Variants in ZNF254 observed in about 807,000 individuals in gnomAD.
ZNF254 encodes the protein zinc finger protein 254.
Under a neutral mutation model 12.4 loss-of-function variants are expected in ZNF254, and 10 were observed. The observed-to-expected ratio is 0.80, with a 90% CI of 0.50 to 1.36. The LOEUF (loss-of-function observed/expected upper bound fraction) is 1.36, where lower values mean the gene tolerates loss of function less well. Among genes scored for constraint, ZNF254 ranks in the 40% most tolerant of loss-of-function variants. The probability of loss-of-function intolerance (pLI) is 0.00; values close to 1 mark genes in which losing one functional copy is unlikely to be tolerated. For synonymous variants in ZNF254, 305 were observed against 253.4 expected (o/e 1.20, Z -1.93); for missense variants, 996 against 763.9 (o/e 1.30, Z -3.58).
intron 2 of ZNF254, among the ~76,000 whole-genome samples, chr19:24,060,506 A>T (rs1246045940): frequency 6.6e-6 from 1 of 152,140 alleles, no homozygotes; most frequent in Non-Finnish European, 1.5e-5. Flanking sequence ...TTGGCCCATC[A>T]ACTATTTGAT....
upstream of ZNF254, among the ~76,000 whole-genome samples, chr19:24,083,493 A>G (rs1444414271): frequency 2.0e-5 from 3 of 152,206 alleles, no homozygotes; most frequent in African/African-American, 7.2e-5. Flanking sequence ...AAGAACCTGC[A>G]TAGACAAAGC....
At chr19:24,109,681 G>A (rs1973544916) in intron 3 of ZNF254, among the ~76,000 whole-genome samples, 1 of 150,404 alleles carries the variant, frequency 6.6e-6, no homozygotes, top group East Asian at 2.0e-4. Flanking sequence ...TTCTTTCTTA[G>A]CTAATTTTCT....
intron 2 of ZNF254, among the ~76,000 whole-genome samples, chr19:24,058,188 C>CCTGCACCT (rs1970933572): frequency 6.6e-6 from 1 of 152,186 alleles, no homozygotes. Flanking sequence ...TTTGGACCTT[C>CCTGCACCT]CTGCACCTAT....
chr19:24,099,398 G>T (rs1223782291), intron 1 of ZNF254, among the ~76,000 whole-genome samples: 1 of 152,094 alleles, frequency 6.6e-6, no homozygotes, highest in Non-Finnish European at 1.5e-5. Context: ...TGCGCTATGG[G>T]CTGTATGTCA....
chr19:24,052,052 T>G (rs1313346396), intron 2 of ZNF254, among the ~76,000 whole-genome samples: 2 of 152,228 alleles, frequency 1.3e-5, no homozygotes, highest in Non-Finnish European at 2.9e-5. Context: ...GATGTGACTC[T>G]CTTGCATGGG....
intron 1 of ZNF254, among the ~76,000 whole-genome samples, chr19:24,033,917 T>C (rs1969860681): frequency 6.6e-6 from 1 of 152,208 alleles, no homozygotes; most frequent in Admixed American, 6.5e-5. Flanking sequence ...TGACTTGGTG[T>C]GTGCGTGGCA....
rs1975017550 is a variant in ZNF254 at position 24,127,941 on chromosome 19, A to G, written c.1941A>G (p.Thr647=). 6.3e-7 allele frequency: 1 copy of G among 1,585,806 alleles called. No homozygotes were observed. Among genetic ancestry groups the G allele is most frequent in the Non-Finnish European group, 8.5e-7 (1 of 1,169,796 alleles). The stretch of plus-strand genomic sequence containing the variant: ...TTAATCGGTCCTCGCACCTCACCAC[A>G]GATAAGATAACTCATTGGAGAGAAA... ...KAFNRSSHLT[T]DKITHWREIL... The change falls in exon 4 of 4, where the codon ACA becomes ACG. Residue 647 remains threonine, a synonymous_variant. Transcript: ENST00000357002.
At chr19:24,077,350 T>C (rs1020051462) in intron 2 of ZNF254, among the ~76,000 whole-genome samples, 2 of 152,192 alleles carry the variant, frequency 1.3e-5, no homozygotes, top group African/African-American at 4.8e-5. Flanking sequence ...AGGCTCCTAC[T>C]TAACCTTGGC....
At chr19:24,092,541 A>G (rs1972456014) in intron 1 of ZNF254, among the ~76,000 whole-genome samples, 1 of 151,776 alleles carries the variant, frequency 6.6e-6, no homozygotes, top group African/African-American at 2.4e-5. Context: ...ATACCTAGGT[A>G]ATTTTTGTTT....
intron 2 of ZNF254, among the ~76,000 whole-genome samples, chr19:24,075,435 G>A (rs1459134368): frequency 6.6e-6 from 1 of 152,098 alleles, no homozygotes; most frequent in Non-Finnish European, 1.5e-5. Context: ...TTTTACAGCT[G>A]GGTCTCCGGG....
chr19:24,118,319 T>C (rs1422857564), intron 3 of ZNF254, among the ~76,000 whole-genome samples: 1 of 152,144 alleles, frequency 6.6e-6, no homozygotes, highest in Non-Finnish European at 1.5e-5. Context: ...CCCAAAGTGC[T>C]GGGATTACAG....
At chr19:24,107,032 T>TG (rs1973386659) in intron 3 of ZNF254, 1 of 454,754 alleles carries the variant, frequency 2.2e-6, no homozygotes, top group African/African-American at 2.0e-5. Context: ...GTGAGAGTAG[T>TG]AGTTTCTGTT....
intron 3 of ZNF254, among the ~76,000 whole-genome samples, chr19:24,107,873 T>G (rs1404653973): frequency 6.6e-6 from 1 of 152,210 alleles, no homozygotes; most frequent in Non-Finnish European, 1.5e-5. Context: ...GGGTTGTAGC[T>G]TGGCCTTAAG....
chr19:24,038,104 C>G (rs1220418529), intron 1 of ZNF254, among the ~76,000 whole-genome samples: 1 of 152,192 alleles, frequency 6.6e-6, no homozygotes, highest in East Asian at 1.9e-4. Flanking sequence ...ATTATTCTAA[C>G]TGCTAAATAG....
At position 24,127,035 on chromosome 19, in the gene ZNF254, T is replaced by G. The variant is rs754280841; in HGVS notation, c.1035T>G (p.Thr345=). The G allele has an allele frequency of 1.2e-6, 2 of 1,613,662 alleles. No homozygotes were observed. Among genetic ancestry groups the G allele is most frequent in the African/African-American group, 2.7e-5 (2 of 74,890 alleles). Residue 345 remains threonine, a synonymous_variant, in exon 4 of 4, where the codon ACT becomes ACG. Transcript: ENST00000357002. The part of the protein sequence containing the change: ...STLTRHKRMH[T]GEKPYKCEEC... ...TAACTAGACATAAGAGGATGCACAC[T>G]GGAGAGAAACCCTACAAATGTGAAG...
chr19:24,126,421 G>T lies in ZNF254; in HGVS notation c.421G>T (p.Gly141Ter), dbSNP rs773229154. ...EYKVNKEGYN[G>*]LNQCFTTAQS... is the part of the protein sequence containing the mutation. Reference sequence around the variant, plus strand: ...TAAGGTGAACAAAGAAGGTTATAATGGACTTAACCAGTGTTTCACAACTGC... The same window carrying T: ...TAAGGTGAACAAAGAAGGTTATAATTGACTTAACCAGTGTTTCACAACTGC... Residue 141 changes from glycine (G) to a stop codon, truncating the protein, a stop_gained, in exon 4 of 4, where the codon GGA becomes TGA. Transcript: ENST00000357002. LOFTEE classifies it low-confidence loss of function (END_TRUNC). 5.5e-5 allele frequency: 88 copies of T among 1,601,282 alleles called. No homozygotes were observed. The East Asian group carries it at 1.9e-3, about 34-fold the overall frequency.
At chr19:24,050,126 CTA>C (rs1256466078) in intron 2 of ZNF254, among the ~76,000 whole-genome samples, 1 of 151,626 alleles carries the variant, frequency 6.6e-6, no homozygotes, top group Non-Finnish European at 1.5e-5. Flanking sequence ...GGCCCTTTGA[CTA>C]TTTTATTTTA....
intron 2 of ZNF254, among the ~76,000 whole-genome samples, chr19:24,058,283 C>T (rs1050137831): frequency 3.3e-5 from 5 of 152,178 alleles, no homozygotes; most frequent in South Asian, 2.1e-4. Context: ...CGTGACATAT[C>T]GCTGCACCAG....
intron 2 of ZNF254, among the ~76,000 whole-genome samples, chr19:24,067,966 G>A (rs1971339540): frequency 6.6e-6 from 1 of 152,180 alleles, no homozygotes; most frequent in Admixed American, 6.5e-5. Context: ...TGTTGTGTCA[G>A]TGGGTCCAGC....
Sources: allele counts gnomAD v4.1 joint callset (sites outside exome capture counted in the v4.1 genomes callset), GRCh38; gene constraint gnomAD v4.1.1; transcripts MANE v1.5; gene names NCBI Gene and HGNC (gene_info 2026-07-23, HGNC 2026-07-21).